The following CACNB2 variants were observed in gnomAD, a reference collection of about 807,000 sequenced individuals.
CACNB2 encodes the protein voltage-dependent L-type calcium channel subunit beta-2.
A neutral mutation model predicts 73.3 loss-of-function variants in CACNB2; 42 were observed. The observed-to-expected ratio is 0.57, with a 90% confidence interval of 0.45 to 0.74. CACNB2 has a LOEUF of 0.74. Ranked by LOEUF, CACNB2 falls within the 30% of genes least tolerant of loss-of-function variation. The pLI, the probability that CACNB2 is intolerant of heterozygous loss-of-function variation, is 0.00. For missense variants in CACNB2, 940 were observed against 853.0 expected (o/e 1.10, Z -1.27); for synonymous variants, 348 against 310.3 (o/e 1.12, Z -1.28).
chr10:18,433,741 C>T (rs1204424028), intron 3 of CACNB2, among the ~76,000 whole-genome samples: 2 of 152,070 alleles, frequency 1.3e-5, no homozygotes, highest in South Asian at 4.1e-4. Flanking sequence ...CAATCTGTAA[C>T]TTGTAGCTAC....
At chr10:18,339,489 A>C (rs570842713) in intron 2 of CACNB2, among the ~76,000 whole-genome samples, 53 of 152,256 alleles carry the variant, frequency 3.5e-4, no homozygotes, top group African/African-American at 1.3e-3. Context: ...CCACTGCACT[A>C]CAGCCCGGGC....
chr10:18,250,757 A>G (rs1395702217), intron 2 of CACNB2, among the ~76,000 whole-genome samples: 1 of 152,120 alleles, frequency 6.6e-6, no homozygotes, highest in Admixed American at 6.5e-5. Context: ...CCGTTTCCCC[A>G]TCTCTACTTT....
intron 3 of CACNB2, among the ~76,000 whole-genome samples, chr10:18,492,631 A>AG (rs890575386): frequency 5.0e-5 from 7 of 139,720 alleles, no homozygotes; most frequent in Non-Finnish European, 8.9e-5. Flanking sequence ...AAAAAAAAAA[A>AG]AAAAAAAGAA....
At chr10:18,143,781 A>T (rs1024632481) in intron 1 of CACNB2, among the ~76,000 whole-genome samples, 2 of 152,290 alleles carry the variant, frequency 1.3e-5, no homozygotes, top group Non-Finnish European at 2.9e-5. Flanking sequence ...TCTACTCAGA[A>T]TTATTGGGCA....
intron 2 of CACNB2, among the ~76,000 whole-genome samples, chr10:18,154,592 C>T (rs1028746688): frequency 1.3e-5 from 2 of 152,146 alleles, no homozygotes; most frequent in South Asian, 4.1e-4. Context: ...CTCAGCCTCC[C>T]CAGTAGCTGG....
At chr10:18,333,721 A>G (rs1049963318) in intron 2 of CACNB2, among the ~76,000 whole-genome samples, 16 of 152,208 alleles carry the variant, frequency 1.1e-4, no homozygotes, top group Admixed American at 2.6e-4. Context: ...ATGGTCTTGT[A>G]TAATCAAAGA....
intron 3 of CACNB2, among the ~76,000 whole-genome samples, chr10:18,476,916 A>C (rs539271792): frequency 6.6e-6 from 1 of 152,240 alleles, no homozygotes; most frequent in East Asian, 1.9e-4. Flanking sequence ...GCTACTCAGG[A>C]GGCTGAGACA....
intron 2 of CACNB2, among the ~76,000 whole-genome samples, chr10:18,276,367 A>C (rs1051806608): frequency 6.6e-6 from 1 of 152,250 alleles, no homozygotes; most frequent in Non-Finnish European, 1.5e-5. Flanking sequence ...GTATATACAA[A>C]CTACATGGAC....
chr10:18,536,003 T>C, intron 11 of CACNB2, 98 bp from the exon 12 acceptor site: 1 of 728,654 alleles, frequency 1.4e-6, no homozygotes, highest in Non-Finnish European at 2.5e-6. Context: ...CCCCTTGTGC[T>C]GTATATAAAA....
chr10:18,233,723 G>A (rs1332737713), intron 2 of CACNB2, among the ~76,000 whole-genome samples: 2 of 152,158 alleles, frequency 1.3e-5, no homozygotes, highest in Non-Finnish European at 2.9e-5. Flanking sequence ...TTTATCAGCA[G>A]GCATCTTTCA....
intron 3 of CACNB2, among the ~76,000 whole-genome samples, chr10:18,403,518 C>G (rs1174121569): frequency 6.6e-6 from 1 of 152,106 alleles, no homozygotes; most frequent in East Asian, 1.9e-4. Flanking sequence ...GTTTCTCGGG[C>G]TTATATGCCA....
intron 2 of CACNB2, among the ~76,000 whole-genome samples, chr10:18,347,652 T>A (rs1330117468): frequency 6.6e-6 from 1 of 152,090 alleles, no homozygotes; most frequent in African/African-American, 2.4e-5. Flanking sequence ...TAATGCAGTA[T>A]CCTTAAAGCA....
At chr10:18,341,052 C>T (rs961137106) in intron 2 of CACNB2, 13 of 1,451,802 alleles carry the variant, frequency 9.0e-6, no homozygotes, top group African/African-American at 1.4e-5. Context: ...GAACTGTTGC[C>T]GAGCTTGAGC....
chr10:18,171,543 A>AAAAAAAAAAAAAAAAAAAAAAAG (rs1564314409), intron 2 of CACNB2, among the ~76,000 whole-genome samples: 1 of 138,824 alleles, frequency 7.2e-6, no homozygotes, highest in African/African-American at 3.2e-5. Context: ...AAAAAAAAAA[A>AAAAAAAAAAAAAAAAAAAAAAAG]AAAAAAGGCT....
rs1411323656 is a variant in CACNB2 at position 18,540,964 on chromosome 10, A to G, written c.*1240A>G. On this transcript the variant is annotated 3_prime_UTR_variant, in exon 14 of 14. Transcript: ENST00000324631. ...CTGCTGCCTCCTTGTTTTTGCTCCT[A>G]GAGAGTGAAAATACAGGCAATTTTA... The G allele has an allele frequency of 1.3e-5, 2 of 152,624 alleles. No homozygotes were observed. The highest frequency in any genetic ancestry group is 1.5e-5 in the Non-Finnish European group (1 of 68,046). 9.5% of individuals were successfully genotyped at this position (152,624 alleles called of 1,614,324 possible).
intron 2 of CACNB2, among the ~76,000 whole-genome samples, chr10:18,249,028 C>G (rs891872272): frequency 2.0e-5 from 3 of 152,230 alleles, no homozygotes; most frequent in Admixed American, 2.0e-4. Context: ...CCAGTCCACT[C>G]ACCTACTCCT....
intron 2 of CACNB2, among the ~76,000 whole-genome samples, chr10:18,338,499 A>G (rs577305438): frequency 9.5e-4 from 145 of 152,328 alleles, no homozygotes; most frequent in African/African-American, 3.3e-3. Context: ...TGATTTTTCT[A>G]TCAACATTGT....
At chr10:18,511,516 G>A (rs759110204) in intron 6 of CACNB2, among the ~76,000 whole-genome samples, 3 of 152,228 alleles carry the variant, frequency 2.0e-5, no homozygotes, top group Non-Finnish European at 4.4e-5. Context: ...CCCAGGGAAT[G>A]GTAGCTGTAT....
intron 2 of CACNB2, among the ~76,000 whole-genome samples, chr10:18,388,875 T>C (rs1363011388): frequency 6.6e-6 from 1 of 152,236 alleles, no homozygotes; most frequent in Non-Finnish European, 1.5e-5. Context: ...CTGTTTTTCA[T>C]GTGCATAAAG....
Sources: allele counts gnomAD v4.1 joint callset (sites outside exome capture counted in the v4.1 genomes callset), GRCh38; gene constraint gnomAD v4.1.1; transcripts MANE v1.5; gene names NCBI Gene and HGNC (gene_info 2026-07-23, HGNC 2026-07-21).